The following CAMSAP1 variants were observed in gnomAD, a reference collection of about 807,000 sequenced individuals.
The protein encoded by CAMSAP1 is calmodulin-regulated spectrin-associated protein 1.
A neutral mutation model predicts 143.5 loss-of-function variants in CAMSAP1; 58 were observed. The ratio of observed to expected loss-of-function variants is 0.40; its 90% confidence interval spans 0.33 to 0.50. The LOEUF (loss-of-function observed/expected upper bound fraction) is 0.50, where lower values mean the gene tolerates loss of function less well. Ranked by LOEUF, CAMSAP1 falls within the 20% of genes least tolerant of loss-of-function variation. CAMSAP1 has a pLI of 0.45. For synonymous variants in CAMSAP1, 945 were observed against 859.3 expected (o/e 1.10, Z -1.74); for missense variants, 1,969 against 2,115.7 (o/e 0.93, Z 1.36).
chr9:135,818,274 A>G lies in CAMSAP1; in HGVS notation c.4168+134T>C. The G allele has an allele frequency of 8.8e-7, 1 of 1,132,430 alleles. No individual in the cohort carries two copies. The highest frequency in any genetic ancestry group is 1.2e-6 in the Non-Finnish European group (1 of 806,882). 70.1% of individuals were successfully genotyped at this position (1,132,430 alleles called of 1,614,324 possible). A position where few individuals can be genotyped will look rare whatever the true frequency, so the allele number is the denominator to read the frequency against. ...GCATCTGGTCTCAACATTGTCATCC[A>G]TGAAACGGGGATAATCATCTCCACC... On this transcript the variant is annotated intron_variant, in intron 13 of 16. Coordinates refer to ENST00000389532, the MANE Select transcript of CAMSAP1 (RefSeq NM_015447.4). This position sits in a 1 kb window ranked among gnomAD's most constrained non-coding sequence, Gnocchi z 7.7.
intron 3 of CAMSAP1, among the ~76,000 whole-genome samples, chr9:135,879,755 G>T (rs1447232736): frequency 6.6e-6 from 1 of 151,948 alleles, no homozygotes; most frequent in African/African-American, 2.4e-5. Context: ...AATCATCGTG[G>T]CTGGACGGAG....
At chr9:135,816,456 T>A (rs931435796) in intron 14 of CAMSAP1, among the ~76,000 whole-genome samples, 3 of 152,186 alleles carry the variant, frequency 2.0e-5, no homozygotes, top group African/African-American at 7.2e-5. Flanking sequence ...CCAGTGACGC[T>A]GATCCCTGGA....
In CAMSAP1 at chr9:135,820,808, G is replaced by A. The variant is rs1225274222; in HGVS notation, c.3822+31C>T. ...CACGTGGGGTGGCAACACATCACGA[G>A]TGCCTGAAACAGATGCTACCAATCC... On this transcript the variant is annotated intron_variant, in intron 11 of 16. Coordinates refer to ENST00000389532, the MANE Select transcript of CAMSAP1 (RefSeq NM_015447.4). This position sits in a 1 kb window ranked among gnomAD's most constrained non-coding sequence, Gnocchi z 4.4. 1 of 1,604,420 alleles carries A rather than the reference G, an allele frequency of 6.2e-7. No individual in the cohort carries two copies. Among genetic ancestry groups the A allele is most frequent in the Non-Finnish European group, 8.5e-7 (1 of 1,176,544 alleles).
At chr9:135,814,309 G>T (rs373759569) in intron 16 of CAMSAP1, among the ~76,000 whole-genome samples, 1 of 152,230 alleles carries the variant, frequency 6.6e-6, no homozygotes, top group Non-Finnish European at 1.5e-5. Context: ...AGGACCAGGG[G>T]TTAGTCTTAA....
Position 135,811,260 on chromosome 9 carries a change from G to A in CAMSAP1, c.*49C>T, listed in dbSNP as rs377308361. On this transcript the variant is annotated 3_prime_UTR_variant, in exon 17 of 17. Coordinates refer to ENST00000389532, the MANE Select transcript of CAMSAP1 (RefSeq NM_015447.4). The surrounding 1 kb of genome is among the most constrained non-coding windows in gnomAD (Gnocchi z 4.9). Reference sequence around the variant, plus strand: ...CACCCTCTGGATGCCAGCCACAAGGGCATCATTTACGAGTCTGGGTCACCC... The same window carrying A: ...CACCCTCTGGATGCCAGCCACAAGGACATCATTTACGAGTCTGGGTCACCC... 2 of 1,573,444 alleles carry A rather than the reference G, an allele frequency of 1.3e-6. No individual in the cohort carries two copies. The highest frequency in any genetic ancestry group is 1.2e-5 in the South Asian group (1 of 85,202).
At chr9:135,895,913 C>A (rs1421398163) in intron 1 of CAMSAP1, among the ~76,000 whole-genome samples, 1 of 151,970 alleles carries the variant, frequency 6.6e-6, no homozygotes, top group African/African-American at 2.4e-5. Context: ...ATAAATAAAT[C>A]TAGAGAAAAT....
intron 7 of CAMSAP1, among the ~76,000 whole-genome samples, chr9:135,848,206 G>A (rs1307241282): frequency 6.6e-6 from 1 of 151,932 alleles, no homozygotes; most frequent in Non-Finnish European, 1.5e-5. Context: ...GAAGAGTTGG[G>A]AAGGAAAGTT....
intron 7 of CAMSAP1, chr9:135,836,170 G>A (rs761502201): frequency 1.0e-5 from 10 of 985,040 alleles, no homozygotes; most frequent in Admixed American, 6.2e-5. Flanking sequence ...ATCTACAGAC[G>A]CACATCACCA....
At position 135,850,437 on chromosome 9, in the gene CAMSAP1, G is replaced by A. The variant is rs759546341; in HGVS notation, c.833C>T (p.Ser278Leu). The A allele has an allele frequency of 1.3e-6, 2 of 1,597,598 alleles. No individual in the cohort carries two copies. The highest frequency in any genetic ancestry group is 1.7e-6 in the Non-Finnish European group (2 of 1,175,126). ...LDDICLKEVT[S>L]MADSLYNIRL... ...AATATTATACAGACTGTCGGCCATC[G>A]ACGTTACCTCCTTTAAGCATATATC... The change falls in exon 6 of 17, where the codon TCG (serine) becomes TTG (leucine). Residue 278 changes from serine (S) to leucine (L), a missense_variant. Ser to Leu is a moderately radical substitution (Grantham distance 145). Transcript: ENST00000389532.
intron 7 of CAMSAP1, among the ~76,000 whole-genome samples, chr9:135,832,712 G>GA (rs1475731259): frequency 2.6e-5 from 4 of 151,980 alleles, no homozygotes; most frequent in African/African-American, 9.7e-5. Flanking sequence ...AAATCAACAT[G>GA]AAAAAACTGT....
chr9:135,833,759 T>G (rs1317407929), intron 7 of CAMSAP1, among the ~76,000 whole-genome samples: 2 of 152,182 alleles, frequency 1.3e-5, no homozygotes, highest in African/African-American at 4.8e-5. Flanking sequence ...TTAGCCTTGG[T>G]GATGATTTGG....
chr9:135,825,363 T>C (rs950722715), intron 8 of CAMSAP1, among the ~76,000 whole-genome samples: 1 of 152,170 alleles, frequency 6.6e-6, no homozygotes, highest in Non-Finnish European at 1.5e-5. Context: ...GACGGCAGCA[T>C]GAACATTCCC....
Position 135,882,844 on chromosome 9 carries a change from G to T in CAMSAP1, c.395C>A (p.Ser132Tyr). Residue 132 changes from serine to tyrosine, a missense_variant, in exon 2 of 17, where the codon TCC becomes TAC. Transcript: ENST00000389532. The surrounding 1 kb of genome is among the most constrained non-coding windows in gnomAD (Gnocchi z 4.9). Reference sequence around the variant, plus strand: ...TTTTATGGGTGCGCGACTGAGGTCGGACTCTGTCACGGGGGTGTCATCACT... The same window carrying T: ...TTTTATGGGTGCGCGACTGAGGTCGTACTCTGTCACGGGGGTGTCATCACT... ...MESDDTPVTE[S>Y]DLSRAPIKMS... 1 of 1,551,252 alleles carries T rather than the reference G, an allele frequency of 6.4e-7. No individual in the cohort carries two copies. Among genetic ancestry groups the T allele is most frequent in the Non-Finnish European group, 8.7e-7 (1 of 1,146,972 alleles).
At chr9:135,904,226 C>T (rs73561660) in intron 1 of CAMSAP1, among the ~76,000 whole-genome samples, 3,253 of 149,994 alleles carry the variant, frequency 0.022, 126 homozygotes, top group African/African-American at 0.077. Context: ...TAAAGAAAAC[C>T]CCCATCTCTA....
intron 5 of CAMSAP1, among the ~76,000 whole-genome samples, chr9:135,858,059 A>C (rs1837040325): frequency 6.6e-6 from 1 of 151,812 alleles, no homozygotes; most frequent in African/African-American, 2.4e-5. Context: ...ACTGCTGTCC[A>C]CCAGCATCCT....
chr9:135,888,976 G>C (rs1206109164), intron 1 of CAMSAP1, among the ~76,000 whole-genome samples: 1 of 152,242 alleles, frequency 6.6e-6, no homozygotes, highest in Non-Finnish European at 1.5e-5. Context: ...GTGCAGACTT[G>C]GCTTCCAGCC....
At chr9:135,814,163 C>T (rs985284740) in intron 16 of CAMSAP1, among the ~76,000 whole-genome samples, 7 of 152,190 alleles carry the variant, frequency 4.6e-5, no homozygotes, top group African/African-American at 1.7e-4. Context: ...TCTTCTGTCC[C>T]CAGTGCCACG....
chr9:135,852,932 TG>T (rs1836831444), intron 5 of CAMSAP1, among the ~76,000 whole-genome samples: 1 of 151,862 alleles, frequency 6.6e-6, no homozygotes, highest in Non-Finnish European at 1.5e-5. Flanking sequence ...GCTGACAAAA[TG>T]GAAAGATGCA....
chr9:135,825,615 T>C (rs1406593316), intron 8 of CAMSAP1, among the ~76,000 whole-genome samples: 4 of 152,158 alleles, frequency 2.6e-5, no homozygotes, highest in Non-Finnish European at 5.9e-5. Context: ...GCAACACCCA[T>C]GAGACCGGCA....
Sources: gnomAD v4.1 joint callset for allele counts (sites outside exome capture counted in the v4.1 genomes callset) on GRCh38, gnomAD v4.1.1 for gene constraint, Gnocchi (gnomAD v3.1) non-coding constraint, MANE v1.5 for transcripts, NCBI Gene and HGNC (gene_info 2026-07-23, HGNC 2026-07-21) for gene names.